SIAH2: variants seen among roughly 807,000 people sequenced by gnomAD.
SIAH2 encodes the protein E3 ubiquitin-protein ligase SIAH2.
Under a neutral mutation model 20.4 loss-of-function variants are expected in SIAH2, and 4 were observed. That is an observed-to-expected ratio of 0.20 (90% CI 0.10 to 0.45). SIAH2 has a LOEUF of 0.45. Ranked by LOEUF, SIAH2 falls within the 20% of genes least tolerant of loss-of-function variation. SIAH2 has a pLI of 0.99. For synonymous variants in SIAH2, 171 were observed against 192.5 expected (o/e 0.89, Z 0.93); for missense variants, 259 against 440.3 (o/e 0.59, Z 3.69).
At chr3:150,744,086 A>T (rs1021474358) in intron 1 of SIAH2, among the ~76,000 whole-genome samples, 1 of 151,998 alleles carries the variant, frequency 6.6e-6, no homozygotes, top group South Asian at 2.1e-4. Context: ...CCCCTTTTAA[A>T]CTTGAAGTCG....
chr3:150,747,811 A>C (rs902470294), intron 1 of SIAH2, among the ~76,000 whole-genome samples: 3 of 151,986 alleles, frequency 2.0e-5, no homozygotes, highest in Admixed American at 6.6e-5. Context: ...AAAACAAAAA[A>C]AAATTAGCCG....
At chr3:150,747,738 C>T (rs1451808429) in intron 1 of SIAH2, among the ~76,000 whole-genome samples, 3 of 151,662 alleles carry the variant, frequency 2.0e-5, no homozygotes, top group African/African-American at 4.8e-5. Context: ...GTCAGGAGTT[C>T]GAGACCAGCC....
intron 1 of SIAH2, among the ~76,000 whole-genome samples, chr3:150,743,030 T>C (rs1443451916): frequency 1.3e-5 from 2 of 152,236 alleles, no homozygotes; most frequent in Non-Finnish European, 2.9e-5. Flanking sequence ...GTCTTCCCCA[T>C]ATTTTCTGTG....
intron 1 of SIAH2, among the ~76,000 whole-genome samples, chr3:150,749,075 C>T (rs546491973): frequency 2.8e-4 from 43 of 152,162 alleles, no homozygotes; most frequent in African/African-American, 8.7e-4. Flanking sequence ...AAAAAAAGTA[C>T]GAGCAAAGAC....
rs934974603 is a variant in SIAH2, at chr3:150,741,425, T to C, written c.*716A>G. 3 of 152,604 alleles carry C rather than the reference T, an allele frequency of 2.0e-5. No homozygotes were observed. The highest frequency in any genetic ancestry group is 2.0e-4 in the Admixed American group (3 of 15,278). The allele number at this position is 152,604 out of a possible 1,614,324, so 9.5% of individuals were successfully genotyped here. ...TGAGTGGCCAAATCTCAGGCGTGCG[T>C]TCATGTGGATCTATAGTTCTAGTTT... On this transcript the variant is annotated 3_prime_UTR_variant, in exon 2 of 2. Coordinates refer to ENST00000312960, the MANE Select transcript of SIAH2 (RefSeq NM_005067.7).
intron 1 of SIAH2, among the ~76,000 whole-genome samples, chr3:150,747,574 AG>A (rs1714247211): frequency 6.6e-6 from 1 of 152,152 alleles, no homozygotes; most frequent in Non-Finnish European, 1.5e-5. Context: ...TCATTTCCCC[AG>A]GGGGAATTAG....
intron 1 of SIAH2, among the ~76,000 whole-genome samples, chr3:150,760,514 AG>A (rs1454561659): frequency 1.3e-5 from 2 of 152,246 alleles, no homozygotes; most frequent in Non-Finnish European, 2.9e-5. Context: ...ATGCTTTCAT[AG>A]GAACCAGAGT....
chr3:150,761,585 GTA>G (rs925088364), intron 1 of SIAH2, among the ~76,000 whole-genome samples: 63 of 152,104 alleles, frequency 4.1e-4, no homozygotes, highest in African/African-American at 1.3e-3. Context: ...GAGGGTGTAT[GTA>G]TATATAGTTT....
intron 1 of SIAH2, among the ~76,000 whole-genome samples, chr3:150,761,458 T>C (rs932971883): frequency 6.6e-6 from 1 of 152,200 alleles, no homozygotes; most frequent in Admixed American, 6.5e-5. Context: ...TGTGATAATA[T>C]GAATTTAAGA....
rs184092604 is a variant in SIAH2, at chr3:150,744,205, C to T, written c.418-1507G>A. The stretch of plus-strand genomic sequence containing the variant: ...TAAGTTACAGTCACTCAGAGGATTC[C>T]GAAGCAAGGATGACAGCCTCCACTC... On this transcript the variant is annotated intron_variant, in intron 1 of 1. Transcript: ENST00000312960. Among the ~76,000 whole-genome samples, 539 of 152,164 alleles carry T rather than the reference C, an allele frequency of 3.5e-3. 6 individuals are homozygous for T. The highest frequency in any genetic ancestry group is 5.8e-3 in the Non-Finnish European group (397 of 68,024).
chr3:150,762,669 C>T lies in SIAH2; in HGVS notation c.181G>A (p.Gly61Ser), dbSNP rs538092446. ...GGGGACACCGGGCCGGCCCCGCCGC[C>T]GCCGCCGGGGCCCGAGATCACCGCC... ...AAAVISGPGG[G>S]GGAGPVSPQH... The change falls in exon 1 of 2, where the codon GGC becomes AGC. Residue 61 changes from glycine to serine, a missense_variant. By Grantham distance (56) the Gly-to-Ser change is moderately conservative. Coordinates refer to ENST00000312960, the MANE Select transcript of SIAH2 (RefSeq NM_005067.7). This position sits in a 1 kb window ranked among gnomAD's most constrained non-coding sequence, Gnocchi z 6.6. The T allele has an allele frequency of 2.9e-5, 42 of 1,448,868 alleles. No individual in the cohort carries two copies. The South Asian group carries it at 5.8e-4, about 20-fold the overall frequency. The allele number at this position is 1,448,868 out of a possible 1,614,324, so 89.8% of individuals were successfully genotyped here. A position where few individuals can be genotyped will look rare whatever the true frequency, so the allele number is the denominator to read the frequency against.
intron 1 of SIAH2, among the ~76,000 whole-genome samples, chr3:150,744,001 A>G (rs1714157575): frequency 6.6e-6 from 1 of 150,506 alleles, no homozygotes; most frequent in Non-Finnish European, 1.5e-5. Context: ...CTAAGATGCT[A>G]TGTCCAGTTG....
chr3:150,742,806 C>T lies in SIAH2; in HGVS notation c.418-108G>A. 1.1e-6 allele frequency: 1 copy of T among 878,248 alleles called. No homozygotes were observed. 54.4% of individuals were successfully genotyped at this position (878,248 alleles called of 1,614,324 possible). A position where few individuals can be genotyped will look rare whatever the true frequency, so the allele number is the denominator to read the frequency against. On this transcript the variant is annotated intron_variant, in intron 1 of 1. Transcript: ENST00000312960. The surrounding 1 kb of genome is among the most constrained non-coding windows in gnomAD (Gnocchi z 4.8). ...CATTTTCCTGGGCTTAAACTGTGTT[C>T]TTAACTACTTTTGCTCAAAGCAAGT...
chr3:150,762,636 G>A lies in SIAH2; in HGVS notation c.214C>T (p.His72Tyr), dbSNP rs781586244. 4 of 1,578,762 alleles carry A rather than the reference G, an allele frequency of 2.5e-6. No individual in the cohort carries two copies. Among genetic ancestry groups the A allele is most frequent in the Non-Finnish European group, 3.4e-6 (4 of 1,166,424 alleles). The change falls in exon 1 of 2, where the codon CAC becomes TAC. Residue 72 changes from histidine to tyrosine, a missense_variant. This residue lies in a region of SIAH2 where 99 missense variants were observed against 112.7 expected (regional missense o/e 0.88). Transcript: ENST00000312960. This position sits in a 1 kb window ranked among gnomAD's most constrained non-coding sequence, Gnocchi z 6.6. ...GGAGPVSPQH[H>Y]ELTSLFECPV... ...CACTCGAAGAGCGAGGTCAGCTCGTGGTGCTGCGGGGACACCGGGCCGGCC... is the reference window on the plus strand; with the variant it reads ...CACTCGAAGAGCGAGGTCAGCTCGTAGTGCTGCGGGGACACCGGGCCGGCC...
chr3:150,742,762 T>TA lies in SIAH2; in HGVS notation c.418-65dup. 7.4e-7 allele frequency: 1 copy of TA among 1,354,452 alleles called. No homozygotes were observed. Among genetic ancestry groups the TA allele is most frequent in the Non-Finnish European group, 1.0e-6 (1 of 995,956 alleles). The allele number at this position is 1,354,452 out of a possible 1,614,324, so 83.9% of individuals were successfully genotyped here. ...CAAAACTTCTATTGCTTCAACCCTC[T>TA]ATGAGTACTTAACTACTCCATTTTC... On this transcript the variant is annotated intron_variant, in intron 1 of 1. Coordinates refer to ENST00000312960, the MANE Select transcript of SIAH2 (RefSeq NM_005067.7). The surrounding 1 kb of genome is among the most constrained non-coding windows in gnomAD (Gnocchi z 4.8).
chr3:150,747,048 T>G (rs1254474994), intron 1 of SIAH2, among the ~76,000 whole-genome samples: 1 of 152,244 alleles, frequency 6.6e-6, no homozygotes, highest in African/African-American at 2.4e-5. Flanking sequence ...CCGCCAGGGT[T>G]CTTTCACTGC....
chr3:150,753,225 G>C (rs1714408747), intron 1 of SIAH2, among the ~76,000 whole-genome samples: 1 of 152,172 alleles, frequency 6.6e-6, no homozygotes, highest in African/African-American at 2.4e-5. Flanking sequence ...AAAGACGAGA[G>C]GGGTGAGCAG....
At chr3:150,751,442 A>G (rs1436942534) in intron 1 of SIAH2, among the ~76,000 whole-genome samples, 1 of 151,792 alleles carries the variant, frequency 6.6e-6, no homozygotes, top group Non-Finnish European at 1.5e-5. Context: ...AAAAAAAGAG[A>G]GAGATATCAT....
At chr3:150,746,908 A>G (rs550798359) in intron 1 of SIAH2, among the ~76,000 whole-genome samples, 6 of 152,340 alleles carry the variant, frequency 3.9e-5, no homozygotes, top group Admixed American at 3.3e-4. Context: ...GCACGGAGTT[A>G]GACCAGGGAG....
Sources: allele counts gnomAD v4.1 joint callset (sites outside exome capture counted in the v4.1 genomes callset), GRCh38; gene constraint gnomAD v4.1.1; regional missense constraint gnomAD v4.1.1; non-coding constraint Gnocchi (gnomAD v3.1); transcripts MANE v1.5; gene names NCBI Gene and HGNC (gene_info 2026-07-23, HGNC 2026-07-21).